Variants in HS6ST3 observed in about 807,000 individuals in gnomAD.
The protein encoded by HS6ST3 is heparan sulfate 6-O-sulfotransferase 3.
A neutral mutation model predicts 36.7 loss-of-function variants in HS6ST3; 12 were observed. The ratio of observed to expected loss-of-function variants is 0.33; its 90% confidence interval spans 0.21 to 0.53. The LOEUF is 0.53. Among genes scored for constraint, HS6ST3 ranks in the 20% least tolerant of loss-of-function variants. The pLI is 0.95. For synonymous variants in HS6ST3, 240 were observed against 257.5 expected (o/e 0.93, Z 0.65); for missense variants, 584 against 640.9 (o/e 0.91, Z 0.96).
chr13:96,716,924 G>A (rs561445605), intron 1 of HS6ST3, among the ~76,000 whole-genome samples: 1 of 152,338 alleles, frequency 6.6e-6, no homozygotes, highest in South Asian at 2.1e-4. Flanking sequence ...AGCTAGGAAG[G>A]TAATGAAGTA....
chr13:96,771,051 A>C (rs1308937803), intron 1 of HS6ST3, among the ~76,000 whole-genome samples: 1 of 152,126 alleles, frequency 6.6e-6, no homozygotes, highest in Admixed American at 6.5e-5. Context: ...GAGTAGTGCC[A>C]CAATAAACAT....
intron 1 of HS6ST3, among the ~76,000 whole-genome samples, chr13:96,742,464 A>G (rs1311540453): frequency 1.3e-5 from 2 of 152,108 alleles, no homozygotes; most frequent in African/African-American, 4.8e-5. Flanking sequence ...GACACAGACG[A>G]TTGAAAGTGA....
At chr13:96,516,455 TAGTC>T (rs1309946279) in intron 1 of HS6ST3, among the ~76,000 whole-genome samples, 6 of 152,326 alleles carry the variant, frequency 3.9e-5, no homozygotes, top group South Asian at 2.1e-4. Flanking sequence ...ACTTAATAGA[TAGTC>T]AGTAATTATC....
chr13:96,302,316 TA>T (rs201940416), intron 1 of HS6ST3, among the ~76,000 whole-genome samples: 2,479 of 152,258 alleles, frequency 0.016, 64 homozygotes, highest in African/African-American at 0.057. Flanking sequence ...AATTGGAAAT[TA>T]AAAAATTGTA....
At chr13:96,345,158 T>A (rs1185036321) in intron 1 of HS6ST3, among the ~76,000 whole-genome samples, 1 of 152,196 alleles carries the variant, frequency 6.6e-6, no homozygotes, top group African/African-American at 2.4e-5. Context: ...TACATTTGCA[T>A]TGAATTAGGC....
chr13:96,416,230 C>G (rs2055532320), intron 1 of HS6ST3, among the ~76,000 whole-genome samples: 1 of 152,180 alleles, frequency 6.6e-6, no homozygotes, highest in Non-Finnish European at 1.5e-5. Flanking sequence ...AAAATGGCAC[C>G]TGGCCAAACT....
At chr13:96,118,649 TA>T (rs2053905676) in intron 1 of HS6ST3, among the ~76,000 whole-genome samples, 109 of 4,468 alleles carry the variant, frequency 0.024, 5 homozygotes, top group African/African-American at 0.035. Flanking sequence ...ATTAAAGATA[TA>T]TATATATATA....
intron 1 of HS6ST3, among the ~76,000 whole-genome samples, chr13:96,753,976 G>A (rs948473121): frequency 5.9e-5 from 9 of 151,892 alleles, no homozygotes; most frequent in South Asian, 4.2e-4. Context: ...CCACTACCAC[G>A]CCCAGCTAAT....
At chr13:96,561,993 G>A (rs530887877) in intron 1 of HS6ST3, among the ~76,000 whole-genome samples, 4 of 152,304 alleles carry the variant, frequency 2.6e-5, no homozygotes, top group South Asian at 2.1e-4. Flanking sequence ...AGTTAAAACA[G>A]AGCTACCATT....
At chr13:96,644,314 G>A (rs2056580614) in intron 1 of HS6ST3, among the ~76,000 whole-genome samples, 1 of 151,988 alleles carries the variant, frequency 6.6e-6, no homozygotes, top group Non-Finnish European at 1.5e-5. Context: ...CATCAATTAT[G>A]TCATATAGAT....
intron 1 of HS6ST3, among the ~76,000 whole-genome samples, chr13:96,810,374 T>G (rs554391680): frequency 6.6e-6 from 1 of 152,148 alleles, no homozygotes. Context: ...ACCAGGCACA[T>G]TGGAAGTGTT....
intron 1 of HS6ST3, among the ~76,000 whole-genome samples, chr13:96,519,156 G>A (rs568836523): frequency 8.5e-5 from 13 of 152,160 alleles, no homozygotes; most frequent in Non-Finnish European, 1.8e-4. Context: ...CTTAGGGACA[G>A]GGCACAGAAA....
At chr13:96,759,134 T>G (rs1008544540) in intron 1 of HS6ST3, among the ~76,000 whole-genome samples, 1 of 151,936 alleles carries the variant, frequency 6.6e-6, no homozygotes, top group South Asian at 2.1e-4. Context: ...ATTTACGTTT[T>G]ACATGGTAAA....
intron 1 of HS6ST3, among the ~76,000 whole-genome samples, chr13:96,307,210 TATC>T (rs2054918046): frequency 6.6e-6 from 1 of 152,186 alleles, no homozygotes; most frequent in East Asian, 1.9e-4. Context: ...TGCTCTCTAA[TATC>T]ATGTCTTGGG....
intron 1 of HS6ST3, among the ~76,000 whole-genome samples, chr13:96,397,928 C>A (rs1022679461): frequency 1.3e-5 from 2 of 152,160 alleles, no homozygotes; most frequent in Non-Finnish European, 2.9e-5. Flanking sequence ...TAATGATTTG[C>A]TGAGTAATCT....
intron 1 of HS6ST3, among the ~76,000 whole-genome samples, chr13:96,540,308 C>A (rs1484865413): frequency 1.3e-5 from 2 of 152,118 alleles, no homozygotes. Context: ...TTTTACCTTT[C>A]CCTAAATGCC....
At chr13:96,829,428 A>G (rs945675319) in intron 1 of HS6ST3, among the ~76,000 whole-genome samples, 1 of 152,046 alleles carries the variant, frequency 6.6e-6, no homozygotes, top group African/African-American at 2.4e-5. Context: ...TTCATCACCC[A>G]GGTATTAAGC....
In HS6ST3 at chr13:96,194,218, A is replaced by G. The variant is rs182446441; in HGVS notation, c.707+102649A>G. On this transcript the variant is annotated intron_variant, in intron 1 of 1. Coordinates refer to ENST00000376705, the MANE Select transcript of HS6ST3 (RefSeq NM_153456.4). Reference sequence around the variant, plus strand: ...AATATTGGGAAACCAGGAGGATACAAAAATCTGCTTGTAGGAAATGCATTG... The same window carrying G: ...AATATTGGGAAACCAGGAGGATACAGAAATCTGCTTGTAGGAAATGCATTG... Among the ~76,000 whole-genome samples, 50 of 152,334 alleles carry G rather than the reference A, an allele frequency of 3.3e-4. 1 individual carries two copies. Among genetic ancestry groups the G allele is most frequent in the Admixed American group, 3.2e-3 (49 of 15,304 alleles).
intron 1 of HS6ST3, among the ~76,000 whole-genome samples, chr13:96,577,993 T>C (rs2056328029): frequency 6.6e-6 from 1 of 152,194 alleles, no homozygotes; most frequent in Admixed American, 6.5e-5. Flanking sequence ...AGAAAATGAA[T>C]AGAAGATTTA....
Sources: allele counts gnomAD v4.1 joint callset (sites outside exome capture counted in the v4.1 genomes callset), GRCh38; gene constraint gnomAD v4.1.1; transcripts MANE v1.5; gene names NCBI Gene and HGNC (gene_info 2026-07-23, HGNC 2026-07-21).